The following GOLM2 variants were observed in gnomAD, a reference collection of about 807,000 sequenced individuals.
GOLM2 encodes protein GOLM2.
A neutral mutation model predicts 55.9 loss-of-function variants in GOLM2; 26 were observed. The ratio of observed to expected loss-of-function variants is 0.47; its 90% CI spans 0.34 to 0.65. The LOEUF is 0.65. Ranked by LOEUF, GOLM2 falls within the 30% of genes least tolerant of loss-of-function variation. The probability of loss-of-function intolerance (pLI) is 0.01; values close to 1 mark genes in which losing one functional copy is unlikely to be tolerated. For synonymous variants in GOLM2, 165 were observed against 194.6 expected, an observed-to-expected ratio of 0.85 and a Z score of 1.27; for missense variants, 486 against 531.8, an observed-to-expected ratio of 0.91 and a Z score of 0.85.
At chr15:44,308,078 A>G (rs984732553) in intron 1 of GOLM2, 2 of 152,186 alleles carry the variant, frequency 1.3e-5, no homozygotes, top group African/African-American at 2.4e-5. Context: ...AAAATTTACT[A>G]TTTTTACCAT....
At chr15:44,354,455 TA>T (rs1449426820) in intron 6 of GOLM2, among the ~76,000 whole-genome samples, 2 of 150,996 alleles carry the variant, frequency 1.3e-5, no homozygotes, top group Non-Finnish European at 2.9e-5. Context: ...ATAATAATAA[TA>T]AAATAAAAAT....
intron 6 of GOLM2, among the ~76,000 whole-genome samples, chr15:44,341,874 T>C (rs2079092925): frequency 6.6e-6 from 1 of 151,972 alleles, no homozygotes; most frequent in South Asian, 2.1e-4. Context: ...TTTTTTGTAT[T>C]TTTAGTAGAG....
At position 44,303,823 on chromosome 15, in the gene GOLM2, C is replaced by T. The variant is rs1016265832; in HGVS notation, c.327+14467C>T. Among the ~76,000 whole-genome samples, 14 of 151,318 alleles carry T rather than the reference C, an allele frequency of 9.3e-5. No homozygotes were observed. In the Admixed American group the frequency reaches 9.3e-4, roughly 10 times the overall value. Reference sequence around the variant, plus strand: ...TGATCTCAGCTCAACGCAACTTCCACCTCCCAGGTTCAAGCAATTCTCGTG... The same window carrying T: ...TGATCTCAGCTCAACGCAACTTCCATCTCCCAGGTTCAAGCAATTCTCGTG... On this transcript the variant is annotated intron_variant, in intron 1 of 9. Coordinates refer to ENST00000299957, the MANE Select transcript of GOLM2 (RefSeq NM_138423.4).
At chr15:44,338,382 T>A in intron 6 of GOLM2, 65 bp downstream of exon 6, 1 of 1,202,694 alleles carries the variant, frequency 8.3e-7, no homozygotes, top group Non-Finnish European at 1.2e-6. Flanking sequence ...GACCCCATTC[T>A]CTTTTTCGGT....
intron 9 of GOLM2, among the ~76,000 whole-genome samples, chr15:44,405,088 A>C (rs1277353348): frequency 6.6e-6 from 1 of 152,080 alleles, no homozygotes; most frequent in Non-Finnish European, 1.5e-5. Context: ...AAGTAGATTT[A>C]TTTTCAGTGC....
chr15:44,412,996 C>T (rs1279814783), intron 9 of GOLM2, among the ~76,000 whole-genome samples: 3 of 148,104 alleles, frequency 2.0e-5, no homozygotes, highest in Non-Finnish European at 4.5e-5. Flanking sequence ...GAGTGAGAGT[C>T]GGTCTCAAAA....
chr15:44,363,944 C>G (rs1178441472), intron 6 of GOLM2, among the ~76,000 whole-genome samples: 2 of 150,666 alleles, frequency 1.3e-5, no homozygotes, highest in African/African-American at 2.4e-5. Context: ...ATCGCAAGAA[C>G]AAAAAACCAA....
At chr15:44,301,931 A>G (rs943200414) in intron 1 of GOLM2, among the ~76,000 whole-genome samples, 2 of 151,210 alleles carry the variant, frequency 1.3e-5, no homozygotes, top group African/African-American at 4.9e-5. Context: ...AAAAAAACTT[A>G]GGAGCCAAGG....
At chr15:44,291,770 C>G (rs1021265531) in intron 1 of GOLM2, among the ~76,000 whole-genome samples, 3 of 152,160 alleles carry the variant, frequency 2.0e-5, no homozygotes, top group African/African-American at 7.2e-5. Context: ...CTTTGCTCTC[C>G]CATAAGAGCA....
chr15:44,373,720 C>G (rs1386177391), intron 6 of GOLM2, among the ~76,000 whole-genome samples: 2 of 152,180 alleles, frequency 1.3e-5, no homozygotes, highest in African/African-American at 4.8e-5. Context: ...TGCCACTGCA[C>G]TCCAACCTGG....
chr15:44,376,687 G>T (rs931635390), intron 6 of GOLM2, among the ~76,000 whole-genome samples: 2 of 152,118 alleles, frequency 1.3e-5, no homozygotes, highest in Non-Finnish European at 2.9e-5. Flanking sequence ...GGAGGGTAAG[G>T]TTAGCACTCT....
chr15:44,372,937 A>G (rs568445892), intron 6 of GOLM2, among the ~76,000 whole-genome samples: 45 of 152,308 alleles, frequency 3.0e-4, no homozygotes, highest in African/African-American at 1.1e-3. Flanking sequence ...ACCTCTGCTC[A>G]AATGATTCCT....
intron 8 of GOLM2, among the ~76,000 whole-genome samples, chr15:44,385,690 G>A (rs1031226989): frequency 2.0e-5 from 3 of 152,052 alleles, no homozygotes; most frequent in Admixed American, 1.3e-4. Flanking sequence ...ATGGCTACAG[G>A]CATACCCTAC....
At chr15:44,408,999 C>T (rs925524671) in intron 9 of GOLM2, among the ~76,000 whole-genome samples, 5 of 151,950 alleles carry the variant, frequency 3.3e-5, no homozygotes. Context: ...CCAAAAAGGA[C>T]GGGCACGGTG....
At chr15:44,381,384 T>C (rs1190516882) in intron 8 of GOLM2, among the ~76,000 whole-genome samples, 2 of 152,192 alleles carry the variant, frequency 1.3e-5, no homozygotes, top group African/African-American at 2.4e-5. Context: ...CTCTGGGGGA[T>C]TGCCTTAGTA....
At chr15:44,397,516 A>C (rs1197739071) in intron 8 of GOLM2, among the ~76,000 whole-genome samples, 1 of 142,512 alleles carries the variant, frequency 7.0e-6, no homozygotes, top group Non-Finnish European at 1.6e-5. Flanking sequence ...AACCACACAC[A>C]CACACACACA....
At chr15:44,333,697 G>A (rs1237582120) in intron 4 of GOLM2, among the ~76,000 whole-genome samples, 1 of 151,976 alleles carries the variant, frequency 6.6e-6, no homozygotes, top group African/African-American at 2.4e-5. Context: ...TATAAATAAT[G>A]GGATAAGTTT....
intron 1 of GOLM2, among the ~76,000 whole-genome samples, chr15:44,321,357 A>G (rs1402285985): frequency 6.6e-6 from 1 of 151,624 alleles, no homozygotes; most frequent in African/African-American, 2.4e-5. Context: ...CTGTAGTCCC[A>G]GCTATCAGGA....
intron 6 of GOLM2, among the ~76,000 whole-genome samples, chr15:44,347,122 TAAACA>T (rs1380956487): frequency 6.6e-6 from 1 of 150,996 alleles, no homozygotes; most frequent in African/African-American, 2.4e-5. Context: ...AGACCCTGTC[TAAACA>T]AAAAAGAGAG....
Sources: gnomAD v4.1 joint callset for allele counts (sites outside exome capture counted in the v4.1 genomes callset) on GRCh38, gnomAD v4.1.1 for gene constraint, MANE v1.5 for transcripts, NCBI Gene and HGNC (gene_info 2026-07-23, HGNC 2026-07-21) for gene names.